DNAH3: variants seen among roughly 807,000 people sequenced by gnomAD.
DNAH3 encodes axonemal beta dynein heavy chain 3.
Under a neutral mutation model 432.5 loss-of-function variants are expected in DNAH3, and 332 were observed. The observed-to-expected ratio is 0.77, with a 90% confidence interval of 0.70 to 0.84. The LOEUF (loss-of-function observed/expected upper bound fraction) is 0.84. DNAH3 is among the 40% of genes least tolerant of loss of function. The pLI, the probability that DNAH3 is intolerant of heterozygous loss-of-function variation, is 0.00. For missense variants in DNAH3, 4,861 were observed against 5,114.0 expected, an observed-to-expected ratio of 0.95 and a Z score of 1.51; for synonymous variants, 1,956 against 1,900.2, an observed-to-expected ratio of 1.03 and a Z score of -0.76.
chr16:21,002,299 T>C (rs972979406), intron 42 of DNAH3, among the ~76,000 whole-genome samples: 8 of 152,120 alleles, frequency 5.3e-5, no homozygotes, highest in African/African-American at 1.9e-4. Context: ...GCAGGAGTTG[T>C]AGGTGTATCA....
At chr16:21,112,142 C>T in intron 12 of DNAH3, 44 bp from the exon 13 acceptor site, 1 of 1,345,856 alleles carries the variant, frequency 7.4e-7, no homozygotes, top group Non-Finnish European at 1.1e-6. Flanking sequence ...AAATATAAGT[C>T]AACCAAATCA....
At chr16:21,111,704 T>C (rs531286267) in exon 14 of DNAH3, 20 of 1,614,100 alleles carry the variant, frequency 1.2e-5, no homozygotes, top group Middle Eastern at 1.6e-4. Flanking sequence ...CTCACAGAGA[T>C]CATGATTTAG....
chr16:20,967,082 T>C (rs146958885), intron 52 of DNAH3, among the ~76,000 whole-genome samples: 13 of 152,278 alleles, frequency 8.5e-5, no homozygotes, highest in South Asian at 2.1e-4. Context: ...AGACATCACA[T>C]TGAGTACAGC....
chr16:21,144,483 C>T (rs918336559), intron 3 of DNAH3, among the ~76,000 whole-genome samples: 8 of 152,108 alleles, frequency 5.3e-5, no homozygotes, highest in African/African-American at 1.9e-4. Context: ...GGATCCTTCC[C>T]TAGTTGCCTT....
At chr16:21,146,084 G>T in exon 2 of DNAH3, 1 of 1,610,600 alleles carries the variant, frequency 6.2e-7, no homozygotes, top group Non-Finnish European at 8.5e-7. Flanking sequence ...GTCACTTTTG[G>T]CGATCTGTGG....
intron 31 of DNAH3, among the ~76,000 whole-genome samples, 164 bp from the exon 32 acceptor site, chr16:21,042,367 G>T (rs1422986500): frequency 6.6e-6 from 1 of 152,112 alleles, no homozygotes; most frequent in Non-Finnish European, 1.5e-5. Context: ...TAAGAAAAAA[G>T]AATATAGGTT....
chr16:21,108,013 G>T (rs183254502), intron 14 of DNAH3, among the ~76,000 whole-genome samples: 30 of 151,640 alleles, frequency 2.0e-4, no homozygotes, highest in African/African-American at 6.5e-4. Flanking sequence ...TACAGGCACC[G>T]CCCCCACCCA....
exon 13 of DNAH3, chr16:21,111,995 T>C (rs755619689): frequency 1.2e-5 from 19 of 1,612,934 alleles, no homozygotes; most frequent in Non-Finnish European, 1.5e-5. Flanking sequence ...TTTCCTACCG[T>C]CACAAAATCA....
At position 21,051,619 on chromosome 16, in the gene DNAH3, T is replaced by C. The variant is rs778475589; in HGVS notation, c.4238+51A>G. 14 of 1,571,222 alleles carry C rather than the reference T, an allele frequency of 8.9e-6. No homozygotes were observed. The African/African-American group carries it at 1.5e-4, about 17-fold the overall frequency. ...CTAACTTTCCTCCCCAGAGTCTTCT[T>C]CCCCTGGAGTTCTCCGTTCACCCCT... On this transcript the variant is annotated intron_variant, in intron 29 of 61. Coordinates refer to ENST00000261383, the Ensembl canonical transcript of DNAH3.
intron 29 of DNAH3, 127 bp from the exon 30 acceptor site, chr16:21,050,145 G>A: frequency 1.4e-6 from 1 of 690,006 alleles, no homozygotes; most frequent in South Asian, 2.0e-5. Flanking sequence ...TTTTGCCATT[G>A]AAAGTAATGC....
intron 1 of DNAH3, among the ~76,000 whole-genome samples, chr16:21,157,335 T>G (rs892552640): frequency 3.5e-5 from 4 of 114,684 alleles, no homozygotes; most frequent in Non-Finnish European, 5.3e-5. Context: ...TGTGATTGCT[T>G]CTTTTTTTTT....
At chr16:21,097,573 C>T (rs2091721247) in intron 17 of DNAH3, 74 bp from the exon 18 acceptor site, 3 of 1,572,622 alleles carry the variant, frequency 1.9e-6, no homozygotes, top group African/African-American at 1.3e-5. Flanking sequence ...AGGGCAAATT[C>T]CTCAGTGCCT....
At chr16:21,077,008 C>G (rs752506780) in intron 20 of DNAH3, among the ~76,000 whole-genome samples, 6 of 152,120 alleles carry the variant, frequency 3.9e-5, no homozygotes, top group African/African-American at 4.8e-5. Flanking sequence ...CCATCTTTTG[C>G]CAGTCATGAC....
intron 47 of DNAH3, among the ~76,000 whole-genome samples, chr16:20,986,982 C>T (rs2086229033): frequency 6.6e-6 from 1 of 152,168 alleles, no homozygotes; most frequent in South Asian, 2.1e-4. Flanking sequence ...TGACAATGTA[C>T]AGTTCATTTC....
At chr16:21,145,996 A>T (rs1465829939) in exon 2 of DNAH3, 2 of 1,611,766 alleles carry the variant, frequency 1.2e-6, no homozygotes, top group African/African-American at 2.7e-5. Flanking sequence ...GATAGAGTCC[A>T]GACGGTTCCT....
At chr16:20,940,433 A>T (rs559956395) in intron 59 of DNAH3, among the ~76,000 whole-genome samples, 3 of 150,908 alleles carry the variant, frequency 2.0e-5, no homozygotes, top group East Asian at 3.9e-4. Flanking sequence ...CTATTGTGTA[A>T]TTTTTTTTTA....
chr16:21,048,112 G>A (rs1315490437), intron 31 of DNAH3, among the ~76,000 whole-genome samples: 1 of 152,262 alleles, frequency 6.6e-6, no homozygotes, highest in Non-Finnish European at 1.5e-5. Flanking sequence ...GTCTGCAGAG[G>A]TTACTGCTGT....
rs150815005 is a variant in DNAH3, at chr16:21,075,464, C to T, written c.3067G>A (p.Val1023Met). Reference sequence around the variant, plus strand: ...AGACTCACAGTGTCCCTGTATTTCACGAAGCTGAACGTCACGTTAACCCAA... The same window carrying T: ...AGACTCACAGTGTCCCTGTATTTCATGAAGCTGAACGTCACGTTAACCCAA... Residue 1023 changes from valine (V) to methionine (M), a missense_variant, in exon 21 of 62, where the codon GTG becomes ATG. Transcript: ENST00000261383. 116 of 1,613,610 alleles carry T rather than the reference C, an allele frequency of 7.2e-5. No homozygotes were observed. The East Asian group carries it at 1.4e-3, about 19-fold the overall frequency.
chr16:21,060,761 G>A (rs1208571025), intron 25 of DNAH3, among the ~76,000 whole-genome samples: 3 of 150,608 alleles, frequency 2.0e-5, no homozygotes, highest in Non-Finnish European at 3.0e-5. Flanking sequence ...TCCTGACCTC[G>A]TGATCTGCCC....
Sources: allele counts gnomAD v4.1 joint callset (sites outside exome capture counted in the v4.1 genomes callset), GRCh38; gene constraint gnomAD v4.1.1; transcripts MANE v1.5; gene names NCBI Gene and HGNC (gene_info 2026-07-23, HGNC 2026-07-21).